Variants in ZNF570 observed in about 807,000 individuals in gnomAD.
ZNF570 encodes zinc finger protein 570.
A neutral mutation model predicts 14.2 loss-of-function variants in ZNF570; 8 were observed. The observed-to-expected ratio is 0.56, with a 90% CI of 0.33 to 1.02. The LOEUF (loss-of-function observed/expected upper bound fraction) is 1.02, where lower values mean the gene tolerates loss of function less well. Among genes scored for constraint, ZNF570 ranks in the 50% least tolerant of loss-of-function variants. ZNF570 has a pLI of 0.03. For missense variants in ZNF570, 559 were observed against 624.9 expected (o/e 0.89, Z 1.12); for synonymous variants, 202 against 207.6 (o/e 0.97, Z 0.23).
At chr19:37,476,055 T>C (rs771643433) in intron 3 of ZNF570, 48 bp downstream of exon 3, 1 of 1,562,830 alleles carries the variant, frequency 6.4e-7, no homozygotes, top group South Asian at 1.2e-5. Context: ...AAAGGGGCTC[T>C]TTGCTACCAC....
In ZNF570 at chr19:37,476,412, G is replaced by A; in HGVS notation, c.234G>A (p.Glu78=). The change falls in exon 4 of 5, where the codon GAG becomes GAA. Residue 78 remains glutamate, a synonymous_variant. Coordinates refer to ENST00000330173, the MANE Select transcript of ZNF570 (RefSeq NM_144694.5). ...AAGCACCCTGGATGGTGAAGAGAGA[G>A]CTGACAAAAGGCTTGTGCTCAGGTT... The part of the protein sequence containing the change: ...QGKAPWMVKR[E]LTKGLCSGWE... 6.2e-7 allele frequency: 1 copy of A among 1,613,944 alleles called. No individual in the cohort carries two copies. Among genetic ancestry groups the A allele is most frequent in the Non-Finnish European group, 8.5e-7 (1 of 1,179,910 alleles).
intron 2 of ZNF570, among the ~76,000 whole-genome samples, chr19:37,475,044 A>G (rs180989910): frequency 1.3e-5 from 2 of 150,668 alleles, no homozygotes; most frequent in African/African-American, 4.9e-5. Flanking sequence ...GCTCACTGCA[A>G]CCTCCGCCTC....
intron 2 of ZNF570, among the ~76,000 whole-genome samples, 196 bp from the exon 3 acceptor site, chr19:37,475,685 G>A (rs1393762972): frequency 1.3e-5 from 2 of 152,090 alleles, no homozygotes; most frequent in Non-Finnish European, 2.9e-5. Context: ...GGAGGGTTAG[G>A]AAATAGGGAA....
Position 37,484,411 on chromosome 19 carries a change from A to G in ZNF570, c.789A>G (p.Gln263=), listed in dbSNP as rs756354198. ...TCAGCCAGAGATCAAATCTTGTTCA[A>G]CATCAGAGGATTCATACTGGAGAAA... is the stretch of plus-strand genomic sequence containing the variant. The part of the protein sequence containing the change: ...KAFSQRSNLV[Q]HQRIHTGEKP... The change falls in exon 5 of 5, where the codon CAA becomes CAG. Residue 263 remains glutamine, a synonymous_variant. Coordinates refer to ENST00000330173, the MANE Select transcript of ZNF570 (RefSeq NM_144694.5). 1.9e-6 allele frequency: 3 copies of G among 1,614,180 alleles called. No individual in the cohort carries two copies. The highest frequency in any genetic ancestry group is 2.5e-6 in the Non-Finnish European group (3 of 1,180,028).
At chr19:37,471,290 G>A (rs2041960623) in intron 2 of ZNF570, among the ~76,000 whole-genome samples, 1 of 152,256 alleles carries the variant, frequency 6.6e-6, no homozygotes, top group African/African-American at 2.4e-5. Flanking sequence ...TGGGATTACA[G>A]GCGTGAGCCA....
In ZNF570 at chr19:37,470,530, A is replaced by G. The variant is rs1159577183; in HGVS notation, c.33+143A>G. Reference sequence around the variant, plus strand: ...CTCCATTGGATTCCCATCTTATTCAAGATAAACGCGTAAGTCCTTGTCTTG... The same window carrying G: ...CTCCATTGGATTCCCATCTTATTCAGGATAAACGCGTAAGTCCTTGTCTTG... On this transcript the variant is annotated intron_variant, in intron 2 of 4. Transcript: ENST00000330173. 8.1e-6 allele frequency: 6 copies of G among 736,800 alleles called. No homozygotes were observed. In the African/African-American group the frequency reaches 8.8e-5, roughly 11 times the overall value. 45.6% of individuals were successfully genotyped at this position (736,800 alleles called of 1,614,324 possible). A position where few individuals can be genotyped will look rare whatever the true frequency, so the allele number is the denominator to read the frequency against.
intron 4 of ZNF570, among the ~76,000 whole-genome samples, chr19:37,482,873 C>G (rs762617346): frequency 1.5e-4 from 23 of 150,488 alleles, no homozygotes; most frequent in South Asian, 4.3e-4. Flanking sequence ...CCCCCTCCCC[C>G]CCTTTCTCCC....
intron 4 of ZNF570, among the ~76,000 whole-genome samples, chr19:37,479,184 G>C (rs1453915117): frequency 1.4e-5 from 2 of 141,868 alleles, no homozygotes; most frequent in Admixed American, 1.4e-4. Flanking sequence ...GAGGCAATTA[G>C]GGTATTTTTT....
At chr19:37,469,667 C>A in intron 1 of ZNF570, 110 bp downstream of exon 1, 2 of 1,154,228 alleles carry the variant, frequency 1.7e-6, no homozygotes, top group South Asian at 1.4e-5. Context: ...TGAGTTGAGG[C>A]GGGAGCGGGC....
rs996526595 is a variant in ZNF570 at position 37,469,529 on chromosome 19, C to T, written c.-80C>T. On this transcript the variant is annotated 5_prime_UTR_variant, in exon 1 of 5. Coordinates refer to ENST00000330173, the MANE Select transcript of ZNF570 (RefSeq NM_144694.5). ...TGGGTCTCCGGAAGCTCGTCGCAGG[C>T]CATCTGTGTGACTCCGGTGCGAGTG... 3 of 1,536,186 alleles carry T rather than the reference C, an allele frequency of 2.0e-6. No homozygotes were observed. In the African/African-American group the frequency reaches 4.1e-5, roughly 21 times the overall value.
rs779398423 is a variant in ZNF570 at position 37,484,053 on chromosome 19, C to T, written c.431C>T (p.Ala144Val). 5.6e-6 allele frequency: 9 copies of T among 1,613,958 alleles called. No homozygotes were observed. Among genetic ancestry groups the T allele is most frequent in the African/African-American group, 4.0e-5 (3 of 74,992 alleles). The change falls in exon 5 of 5, where the codon GCG becomes GTG. Residue 144 changes from alanine to valine, a missense_variant. Transcript: ENST00000330173. ...YFERQPGNQK[A>V]CFKEEIITHE... is the part of the protein sequence containing the mutation. ...GAAAGGCAACCAGGTAATCAGAAGG[C>T]GTGTTTCAAGGAAGAGATAATCACT...
rs2042020800 is a variant in ZNF570, at chr19:37,476,154, C to A, written c.160+147C>A. 3.0e-6 allele frequency: 4 copies of A among 1,352,440 alleles called. No individual in the cohort carries two copies. In the South Asian group the frequency reaches 6.0e-5, roughly 20 times the overall value. The allele number at this position is 1,352,440 out of a possible 1,614,324, so 83.8% of individuals were successfully genotyped here. On this transcript the variant is annotated intron_variant, in intron 3 of 4. Transcript: ENST00000330173. ...AATGGCTTAGTGTTTGTGGATTTGG[C>A]AGTGAACATATTCTTGGCCTGTGCC...
At chr19:37,477,253 A>G (rs1383893116) in intron 4 of ZNF570, among the ~76,000 whole-genome samples, 1 of 114,160 alleles carries the variant, frequency 8.8e-6, no homozygotes, top group Non-Finnish European at 1.8e-5. Flanking sequence ...TGCATGTGTG[A>G]TTTTTCCTAA....
chr19:37,473,761 C>T (rs959116872), intron 2 of ZNF570, among the ~76,000 whole-genome samples: 4 of 151,986 alleles, frequency 2.6e-5, no homozygotes, highest in Admixed American at 6.6e-5. Context: ...ATGTGGATAT[C>T]GAAGTGACCA....
At chr19:37,476,705 C>CTTTT (rs35904468) in intron 4 of ZNF570, among the ~76,000 whole-genome samples, 41 of 111,758 alleles carry the variant, frequency 3.7e-4, no homozygotes, top group South Asian at 6.7e-4. Flanking sequence ...GTCTTATAAA[C>CTTTT]TTTTTTTTTT....
At chr19:37,471,423 A>G (rs1411911729) in intron 2 of ZNF570, among the ~76,000 whole-genome samples, 1 of 152,122 alleles carries the variant, frequency 6.6e-6, no homozygotes, top group African/African-American at 2.4e-5. Flanking sequence ...CTAGTCTCTA[A>G]CCAAAAACGT....
chr19:37,473,813 A>C (rs1432011621), intron 2 of ZNF570, among the ~76,000 whole-genome samples: 1 of 152,230 alleles, frequency 6.6e-6, no homozygotes, highest in Admixed American at 6.5e-5. Flanking sequence ...ACAGTGAGTC[A>C]GGTGCTGAAG....
At chr19:37,483,623 C>A (rs2042111011) in intron 4 of ZNF570, among the ~76,000 whole-genome samples, 1 of 152,140 alleles carries the variant, frequency 6.6e-6, no homozygotes, top group Non-Finnish European at 1.5e-5. Flanking sequence ...AAAATTGTAA[C>A]CAACTCTGAC....
upstream of ZNF570, chr19:37,467,801 C>A: frequency 2.2e-6 from 3 of 1,347,546 alleles, no homozygotes; most frequent in South Asian, 1.2e-5. Context: ...CATCTGAGGT[C>A]GTGCGAATAT....
Sources: allele counts gnomAD v4.1 joint callset (sites outside exome capture counted in the v4.1 genomes callset), GRCh38; gene constraint gnomAD v4.1.1; transcripts MANE v1.5; gene names NCBI Gene and HGNC (gene_info 2026-07-23, HGNC 2026-07-21).